The following ARHGAP24 variants were observed in gnomAD, a reference collection of about 807,000 sequenced individuals.
ARHGAP24 encodes the protein rho GTPase-activating protein 24.
In ARHGAP24, 50 loss-of-function variants were observed where a neutral mutation model predicts 76.4. That is an observed-to-expected ratio of 0.65 (90% CI 0.52 to 0.83). The LOEUF (loss-of-function observed/expected upper bound fraction) is 0.83, where lower values mean the gene tolerates loss of function less well. Ranked by LOEUF, ARHGAP24 falls within the 40% of genes least tolerant of loss-of-function variation. ARHGAP24 has a pLI of 0.00. For missense variants in ARHGAP24, 930 were observed against 914.2 expected (o/e 1.02, Z -0.22); for synonymous variants, 345 against 323.3 (o/e 1.07, Z -0.72).
rs397798210 is a variant in ARHGAP24, at chr4:85,538,025, G to GAA, written c.-20-32487_-20-32486dup. Among the ~76,000 whole-genome samples, 12 of 144,030 alleles carry GAA rather than the reference G, an allele frequency of 8.3e-5. No homozygotes were observed. The South Asian group carries it at 1.3e-3, about 16-fold the overall frequency. The allele number at this position is 144,030 out of a possible 152,430, so 94.5% of individuals were successfully genotyped here. ...TTAGTGAACAAATTTAGCAATCCAA[G>GAA]AAAAAAAAAAACAATCATTGGTGCC... is the stretch of plus-strand genomic sequence containing the variant. On this transcript the variant is annotated intron_variant, in intron 1 of 9. Transcript: ENST00000395184.
In ARHGAP24 at chr4:85,730,610, TG is replaced by T. The variant is rs1305925573; in HGVS notation, c.268+8639del. Among the ~76,000 whole-genome samples, 74 of 152,106 alleles carry T rather than the reference TG, an allele frequency of 4.9e-4. 2 individuals carry two copies. The highest frequency in any genetic ancestry group is 4.3e-3 in the Admixed American group (66 of 15,268). On this transcript the variant is annotated intron_variant, in intron 3 of 9. Transcript: ENST00000395184. ...TTTTTGTAGAGATGAGGTCTCACTA[TG>T]TTGCCCAGGCTGGTCTCAAATCCCT...
rs1560701712 is a variant in ARHGAP24 at position 85,894,991 on chromosome 4, AAAC to A, written c.269-28654_269-28652del. Among the ~76,000 whole-genome samples the A allele has an allele frequency of 1.3e-3, 30 of 23,892 alleles. 1 individual carries two copies. The highest frequency in any genetic ancestry group is 1.8e-3 in the Non-Finnish European group (20 of 11,064). The allele number at this position is 23,892 out of a possible 152,430, so 15.7% of individuals were successfully genotyped here. The stretch of plus-strand genomic sequence containing the variant: ...AAAAAAAAAAAAAAAAAAAAAAACA[AAAC>A]AAAAAGCAAAAAAAAAAAAAAAAAA... On this transcript the variant is annotated intron_variant, in intron 3 of 9. Coordinates refer to ENST00000395184, the MANE Select transcript of ARHGAP24 (RefSeq NM_001025616.3).
chr4:85,931,985 A>G, intron 4 of ARHGAP24, among the ~76,000 whole-genome samples: 1 of 149,430 alleles, frequency 6.7e-6, no homozygotes, highest in East Asian at 1.9e-4. Context: ...CTAGTTAGTA[A>G]CTAACAAAAA....
chr4:85,523,453 T>C (rs986814580), intron 1 of ARHGAP24, among the ~76,000 whole-genome samples: 8 of 152,190 alleles, frequency 5.3e-5, no homozygotes, highest in African/African-American at 1.9e-4. Flanking sequence ...TTGATCAAAG[T>C]ATAATCAGGA....
At chr4:85,844,317 T>C (rs879758945) in intron 3 of ARHGAP24, among the ~76,000 whole-genome samples, 2 of 152,174 alleles carry the variant, frequency 1.3e-5, no homozygotes, top group Non-Finnish European at 2.9e-5. Flanking sequence ...AACTGTTCGT[T>C]ACAGCATCTC....
chr4:85,774,971 C>T (rs913123840), intron 3 of ARHGAP24, among the ~76,000 whole-genome samples: 4 of 151,972 alleles, frequency 2.6e-5, no homozygotes, highest in African/African-American at 9.7e-5. Context: ...AAGCCTAAAT[C>T]TTAGGTTTCT....
chr4:85,602,104 G>A (rs1406482878), intron 2 of ARHGAP24, among the ~76,000 whole-genome samples: 1 of 152,138 alleles, frequency 6.6e-6, no homozygotes, highest in Non-Finnish European at 1.5e-5. Flanking sequence ...GAGCTTTTAG[G>A]GAGATGTTTA....
intron 1 of ARHGAP24, among the ~76,000 whole-genome samples, chr4:85,502,169 TTTG>T (rs1204250847): frequency 6.6e-6 from 1 of 152,236 alleles, no homozygotes; most frequent in Non-Finnish European, 1.5e-5. Context: ...TGTCTCCAGC[TTTG>T]TTCTTTTTGC....
chr4:85,482,824 AC>A, intron 1 of ARHGAP24, among the ~76,000 whole-genome samples: 1 of 152,080 alleles, frequency 6.6e-6, no homozygotes, highest in Non-Finnish European at 1.5e-5. Flanking sequence ...AAAAACCAAA[AC>A]CTAGAGAGGC....
rs346508 is a variant in ARHGAP24 at position 85,942,013 on chromosome 4, C to T, written c.392-53C>T. On this transcript the variant is annotated intron_variant, in intron 4 of 9. Transcript: ENST00000395184. ...TATTGAATTAAAACAACAACAACAACAAAGTGGGAAGAGATAAATTTCCCA... is the reference window on the plus strand; with the variant it reads ...TATTGAATTAAAACAACAACAACAATAAAGTGGGAAGAGATAAATTTCCCA... 222,095 of 1,559,246 alleles carry T rather than the reference C, an allele frequency of 0.14. 17,374 individuals carry two copies. Among genetic ancestry groups the T allele is most frequent in the Middle Eastern group, 0.21 (1,015 of 4,744 alleles).
intron 2 of ARHGAP24, among the ~76,000 whole-genome samples, chr4:85,648,560 G>A (rs899075597): frequency 1.6e-4 from 24 of 152,136 alleles, no homozygotes; most frequent in African/African-American, 5.5e-4. Flanking sequence ...ACCCATGACA[G>A]AACAGACGAC....
intron 3 of ARHGAP24, among the ~76,000 whole-genome samples, chr4:85,850,641 A>G (rs1731170275): frequency 6.6e-6 from 1 of 152,196 alleles, no homozygotes; most frequent in Admixed American, 6.5e-5. Context: ...AGATTCTGGT[A>G]CATTGTGTCT....
chr4:85,644,060 T>A (rs1278870392), intron 2 of ARHGAP24, among the ~76,000 whole-genome samples: 1 of 152,184 alleles, frequency 6.6e-6, no homozygotes, highest in Non-Finnish European at 1.5e-5. Flanking sequence ...GAGCAAGGGC[T>A]CTGGAGCCAT....
chr4:85,620,868 A>G (rs1720695033), intron 2 of ARHGAP24, among the ~76,000 whole-genome samples: 1 of 151,930 alleles, frequency 6.6e-6, no homozygotes, highest in Non-Finnish European at 1.5e-5. Flanking sequence ...CTTCTATTGA[A>G]CTTACCACTC....
At chr4:85,804,867 A>G (rs1366639176) in intron 3 of ARHGAP24, among the ~76,000 whole-genome samples, 1 of 152,174 alleles carries the variant, frequency 6.6e-6, no homozygotes, top group Non-Finnish European at 1.5e-5. Flanking sequence ...AAAACTTCCC[A>G]TCTGCAATTT....
chr4:85,631,360 C>T (rs149493266), intron 2 of ARHGAP24, among the ~76,000 whole-genome samples: 12 of 152,148 alleles, frequency 7.9e-5, no homozygotes, highest in East Asian at 5.8e-4. Context: ...TCCTTTTCCA[C>T]GCTCAATGTA....
rs116690080 is a variant in ARHGAP24 at position 85,956,709 on chromosome 4, T to C, written c.599+14436T>C. 4.7e-3 allele frequency among the ~76,000 whole-genome samples: 713 copies of C among 152,288 alleles called. 5 individuals carry two copies. Among genetic ancestry groups the C allele is most frequent in the Non-Finnish European group, 5.5e-3 (374 of 68,006 alleles). On this transcript the variant is annotated intron_variant, in intron 5 of 9. Coordinates refer to ENST00000395184, the MANE Select transcript of ARHGAP24 (RefSeq NM_001025616.3). ...GCGATGCAGAACAATGGCAAGCCTT[T>C]AGCCCGATCGGGAGGGGCAATGGAC...
At chr4:85,811,600 A>G (rs1305773642) in intron 3 of ARHGAP24, among the ~76,000 whole-genome samples, 1 of 152,234 alleles carries the variant, frequency 6.6e-6, no homozygotes, top group East Asian at 1.9e-4. Context: ...TTATCATTTT[A>G]TCCCACTGAT....
chr4:85,592,243 T>C (rs926750134), intron 2 of ARHGAP24, among the ~76,000 whole-genome samples: 2 of 152,226 alleles, frequency 1.3e-5, no homozygotes, highest in Admixed American at 1.3e-4. Flanking sequence ...AGATGAATGC[T>C]TCTCTGATGA....
Sources: allele counts gnomAD v4.1 joint callset (sites outside exome capture counted in the v4.1 genomes callset), GRCh38; gene constraint gnomAD v4.1.1; transcripts MANE v1.5; gene names NCBI Gene and HGNC (gene_info 2026-07-23, HGNC 2026-07-21).